ASIC2: variants seen among roughly 807,000 people sequenced by gnomAD.
ASIC2 encodes acid-sensing ion channel 2.
ASIC2 carries 25 observed loss-of-function variants against 57.3 expected under a neutral mutation model. The observed-to-expected ratio is 0.44, with a 90% CI of 0.32 to 0.61. ASIC2 has a LOEUF of 0.61. Ranked by LOEUF, ASIC2 falls within the 20% of genes least tolerant of loss-of-function variation. The probability of loss-of-function intolerance (pLI) is 0.06; values close to 1 mark genes in which losing one functional copy is unlikely to be tolerated. For synonymous variants in ASIC2, 319 were observed against 307.5 expected (o/e 1.04, Z -0.39); for missense variants, 641 against 738.1 (o/e 0.87, Z 1.52).
intron 1 of ASIC2, among the ~76,000 whole-genome samples, chr17:33,953,319 C>A (rs757669436): frequency 2.0e-5 from 3 of 152,120 alleles, no homozygotes; most frequent in African/African-American, 4.8e-5. Context: ...CTTTTACATC[C>A]AATATCATTG....
intron 1 of ASIC2, among the ~76,000 whole-genome samples, chr17:33,181,268 A>G (rs1351884308): frequency 6.6e-6 from 1 of 152,230 alleles, no homozygotes; most frequent in Non-Finnish European, 1.5e-5. Context: ...GGATAAAACT[A>G]ATAGCAAACA....
chr17:33,994,640 C>A (rs193055141), intron 1 of ASIC2, among the ~76,000 whole-genome samples: 18 of 152,230 alleles, frequency 1.2e-4, no homozygotes, highest in African/African-American at 4.3e-4. Flanking sequence ...GTAGCAGGCA[C>A]CGAGGACTGA....
In ASIC2 at chr17:33,807,762, G is replaced by A. The variant is rs192863374; in HGVS notation, c.555+348216C>T. Among the ~76,000 whole-genome samples, 324 of 152,228 alleles carry A rather than the reference G, an allele frequency of 2.1e-3. 2 individuals carry two copies. Among genetic ancestry groups the A allele is most frequent in the African/African-American group, 7.5e-3 (310 of 41,532 alleles). ...TCCCTCACTCAAACTCCTTCCATGGGTGGAATTAATTTGCATTTGTCTGAT... is the reference window on the plus strand; with the variant it reads ...TCCCTCACTCAAACTCCTTCCATGGATGGAATTAATTTGCATTTGTCTGAT... On this transcript the variant is annotated intron_variant, in intron 1 of 9. Coordinates refer to the ASIC2 transcript ENST00000359872.
At chr17:33,205,793 C>T (rs1017978102) in intron 1 of ASIC2, among the ~76,000 whole-genome samples, 2 of 152,186 alleles carry the variant, frequency 1.3e-5, no homozygotes, top group African/African-American at 2.4e-5. Flanking sequence ...GCTGGGACTG[C>T]GCTGGCTGTG....
At chr17:33,190,841 T>G (rs1188696050) in intron 1 of ASIC2, among the ~76,000 whole-genome samples, 1 of 152,160 alleles carries the variant, frequency 6.6e-6, no homozygotes, top group Non-Finnish European at 1.5e-5. Flanking sequence ...TCAGGGAAGA[T>G]GCAGAGCATT....
At chr17:33,839,587 T>C (rs146498047) in intron 1 of ASIC2, among the ~76,000 whole-genome samples, 1 of 152,294 alleles carries the variant, frequency 6.6e-6, no homozygotes, top group Admixed American at 6.5e-5. Context: ...ATTGTCCCCA[T>C]TTTCCTAAGT....
chr17:33,575,957 A>G (rs1026225645), intron 1 of ASIC2, among the ~76,000 whole-genome samples: 1 of 152,200 alleles, frequency 6.6e-6, no homozygotes, highest in Non-Finnish European at 1.5e-5. Context: ...CATGAAAATA[A>G]AAGCCGATTT....
chr17:33,079,956 G>A (rs1366380573), intron 3 of ASIC2, among the ~76,000 whole-genome samples: 2 of 152,266 alleles, frequency 1.3e-5, no homozygotes, highest in East Asian at 3.9e-4. Flanking sequence ...CAGGTGTGGG[G>A]ACAGGGAGAA....
chr17:34,130,702 G>A (rs1177882784), intron 1 of ASIC2, among the ~76,000 whole-genome samples: 1 of 152,214 alleles, frequency 6.6e-6, no homozygotes, highest in African/African-American at 2.4e-5. Flanking sequence ...TTTCCCATCT[G>A]GGCAGCAAGC....
intron 1 of ASIC2, among the ~76,000 whole-genome samples, chr17:33,933,950 A>G (rs771884008): frequency 4.6e-5 from 7 of 152,198 alleles, no homozygotes; most frequent in Non-Finnish European, 8.8e-5. Flanking sequence ...AAGGCAGCCG[A>G]GCTGTTAGTT....
At chr17:34,062,010 C>A (rs566040821) in intron 1 of ASIC2, among the ~76,000 whole-genome samples, 28 of 152,240 alleles carry the variant, frequency 1.8e-4, no homozygotes, top group African/African-American at 6.7e-4. Context: ...TTAAACTATA[C>A]CTTGGAACAA....
At chr17:33,789,159 G>C (rs76942559) in intron 1 of ASIC2, among the ~76,000 whole-genome samples, 2 of 152,092 alleles carry the variant, frequency 1.3e-5, no homozygotes, top group African/African-American at 4.8e-5. Flanking sequence ...TCAAACTGAT[G>C]CCAGCATCAT....
At chr17:33,564,015 T>C (rs1415281551) in intron 1 of ASIC2, among the ~76,000 whole-genome samples, 1 of 152,194 alleles carries the variant, frequency 6.6e-6, no homozygotes, top group Non-Finnish European at 1.5e-5. Context: ...GCCATAGTCC[T>C]GACACTGGAA....
At chr17:33,231,288 C>G (rs1908081102) in intron 1 of ASIC2, among the ~76,000 whole-genome samples, 1 of 152,178 alleles carries the variant, frequency 6.6e-6, no homozygotes, top group Admixed American at 6.5e-5. Flanking sequence ...GCCTCCCAGG[C>G]CTAGGCCTAA....
At chr17:34,026,858 A>AT (rs1293520232) in intron 1 of ASIC2, among the ~76,000 whole-genome samples, 1 of 152,240 alleles carries the variant, frequency 6.6e-6, no homozygotes, top group Non-Finnish European at 1.5e-5. Context: ...AGGCTCGGCC[A>AT]TGCAGCTAAC....
chr17:33,793,992 A>G (rs1466412848), intron 1 of ASIC2: 1 of 151,954 alleles, frequency 6.6e-6, no homozygotes, highest in Non-Finnish European at 1.5e-5. Flanking sequence ...AAGAGCACAC[A>G]CTCTAACTGC....
chr17:33,900,565 A>AT (rs1353774531), intron 1 of ASIC2, among the ~76,000 whole-genome samples: 3 of 152,172 alleles, frequency 2.0e-5, no homozygotes, highest in Non-Finnish European at 4.4e-5. Flanking sequence ...GTAAAAAAAA[A>AT]TTTTTTAATC....
chr17:33,262,610 C>A (rs886067607), intron 1 of ASIC2, among the ~76,000 whole-genome samples: 2 of 152,108 alleles, frequency 1.3e-5, no homozygotes, highest in Non-Finnish European at 1.5e-5. Flanking sequence ...TCAAAATATC[C>A]CAAAGGGTCA....
intron 1 of ASIC2, among the ~76,000 whole-genome samples, chr17:34,090,775 C>T (rs1219018688): frequency 6.6e-6 from 1 of 152,178 alleles, no homozygotes; most frequent in Non-Finnish European, 1.5e-5. Context: ...AGTACTCAGC[C>T]AGAGAGACTA....
Sources: allele counts gnomAD v4.1 joint callset (sites outside exome capture counted in the v4.1 genomes callset), GRCh38; gene constraint gnomAD v4.1.1; transcripts MANE v1.5; gene names NCBI Gene and HGNC (gene_info 2026-07-23, HGNC 2026-07-21).